The following CAST variants were observed in gnomAD, a reference collection of about 807,000 sequenced individuals.
CAST encodes calpastatin.
A neutral mutation model predicts 119.6 loss-of-function variants in CAST; 76 were observed. The observed-to-expected ratio is 0.64, with a 90% CI of 0.53 to 0.77. The LOEUF is 0.77. CAST is among the 30% of genes least tolerant of loss of function. The pLI is 0.00. For synonymous variants in CAST, 319 were observed against 331.6 expected (o/e 0.96, Z 0.41); for missense variants, 953 against 946.5 (o/e 1.01, Z -0.09).
At chr5:96,620,021 T>G (rs1747569596) in intron 1 of CAST, among the ~76,000 whole-genome samples, 2 of 152,220 alleles carry the variant, frequency 1.3e-5, no homozygotes, top group African/African-American at 4.8e-5. Context: ...GAAAATTACA[T>G]TAGAGACAAT....
At chr5:96,408,310 AGGTCAGCGCT>A in the CAST span, 1 of 1,613,784 alleles carries the variant, frequency 6.2e-7, no homozygotes, top group Non-Finnish European at 8.5e-7. Context: ...GTCATTGTGC[AGGTCAGCGCT>A]CGTCTGGATG....
At chr5:96,046,448 C>T in the CAST span, among the ~76,000 whole-genome samples, 1 of 152,084 alleles carries the variant, frequency 6.6e-6, no homozygotes, top group African/African-American at 2.4e-5. Flanking sequence ...AATTAAAGTG[C>T]ACTCCACATT....
the CAST span, among the ~76,000 whole-genome samples, chr5:96,152,426 C>T: frequency 4.6e-5 from 7 of 152,114 alleles, no homozygotes; most frequent in African/African-American, 1.4e-4. Context: ...CAGTCTCTAC[C>T]AGGGAATGGA....
chr5:96,169,897 GA>G, the CAST span, among the ~76,000 whole-genome samples: 1 of 152,276 alleles, frequency 6.6e-6, no homozygotes, highest in East Asian at 1.9e-4. Flanking sequence ...TAATTAAAAG[GA>G]GTGCTTAAAA....
chr5:96,259,059 T>C, the CAST span, among the ~76,000 whole-genome samples: 1 of 152,212 alleles, frequency 6.6e-6, no homozygotes, highest in Non-Finnish European at 1.5e-5. Context: ...TAAAAATATG[T>C]ATGAGTAAAA....
At chr5:96,700,930 A>T (rs978070544) in intron 3 of CAST, among the ~76,000 whole-genome samples, 10 of 151,736 alleles carry the variant, frequency 6.6e-5, no homozygotes, top group African/African-American at 2.4e-4. Flanking sequence ...TTGCGAAAAA[A>T]ATTTTTTTTT....
the CAST span, among the ~76,000 whole-genome samples, chr5:96,048,273 A>G: frequency 6.6e-6 from 1 of 152,166 alleles, no homozygotes; most frequent in Admixed American, 6.5e-5. Context: ...TGGCTGAGAA[A>G]AGGCCAGAGT....
At chr5:96,702,753 G>C (rs1754095203) in intron 3 of CAST, 1 of 984,954 alleles carries the variant, frequency 1.0e-6, no homozygotes, top group African/African-American at 1.7e-5. Flanking sequence ...CGGGCAGGGG[G>C]GCGGGGAGCA....
At chr5:96,160,962 CTATT>C in the CAST span, among the ~76,000 whole-genome samples, 3 of 152,040 alleles carry the variant, frequency 2.0e-5, no homozygotes, top group African/African-American at 4.8e-5. Flanking sequence ...CTTGGGTTGT[CTATT>C]TATTATTGAA....
chr5:96,714,436 G>T (rs1284072619), intron 3 of CAST, among the ~76,000 whole-genome samples: 1 of 152,202 alleles, frequency 6.6e-6, no homozygotes, highest in Non-Finnish European at 1.5e-5. Context: ...AAGAAAAGGT[G>T]CGCAAGAAAG....
At chr5:96,554,509 T>G (rs186657153) in intron 1 of CAST, among the ~76,000 whole-genome samples, 1 of 152,188 alleles carries the variant, frequency 6.6e-6, no homozygotes, top group Admixed American at 6.5e-5. Flanking sequence ...AGACTTCATG[T>G]CTAAAACACC....
At chr5:96,608,954 C>G (rs1580844149) in intron 1 of CAST, among the ~76,000 whole-genome samples, 1 of 152,160 alleles carries the variant, frequency 6.6e-6, no homozygotes, top group African/African-American at 2.4e-5. Flanking sequence ...TCCCACCAAG[C>G]CTCTCCTCCA....
the CAST span, among the ~76,000 whole-genome samples, chr5:96,156,474 T>C: frequency 1.3e-5 from 2 of 152,224 alleles, no homozygotes; most frequent in Non-Finnish European, 2.9e-5. Context: ...ATCTCTTTAG[T>C]ATAAGATGGG....
the CAST span, among the ~76,000 whole-genome samples, chr5:96,015,784 A>G: frequency 1.3e-5 from 2 of 152,174 alleles, no homozygotes; most frequent in Non-Finnish European, 2.9e-5. Flanking sequence ...CATTTTACAG[A>G]TGAGAAAATA....
the CAST span, among the ~76,000 whole-genome samples, chr5:96,388,551 A>G: frequency 6.6e-6 from 1 of 152,222 alleles, no homozygotes; most frequent in Non-Finnish European, 1.5e-5. Context: ...AGTAGATTGC[A>G]TGGTCAACAT....
intron 1 of CAST, among the ~76,000 whole-genome samples, chr5:96,539,067 A>G (rs261977): frequency 0.98 from 149,742 of 152,306 alleles, 73,669 homozygotes; most frequent in East Asian, 1. Flanking sequence ...AATCCAGACT[A>G]TTCTCTCTTA....
chr5:96,762,883 G>T, intron 25 of CAST: 1 of 404,806 alleles, frequency 2.5e-6, no homozygotes, highest in Non-Finnish European at 4.5e-6. Flanking sequence ...TTTCATACTA[G>T]CAGTAGAAGA....
the CAST span, among the ~76,000 whole-genome samples, chr5:96,014,852 C>A: frequency 1.3e-5 from 2 of 152,148 alleles, no homozygotes; most frequent in African/African-American, 4.8e-5. Flanking sequence ...ACAGCCTTTT[C>A]TGTTAGCCTG....
the CAST span, among the ~76,000 whole-genome samples, chr5:96,311,405 G>A: frequency 2.0e-5 from 3 of 152,148 alleles, no homozygotes; most frequent in Admixed American, 1.3e-4. Flanking sequence ...GCTGTTGGAT[G>A]GAATGTTCTG....
Sources: gnomAD v4.1 joint callset for allele counts (sites outside exome capture counted in the v4.1 genomes callset) on GRCh38, gnomAD v4.1.1 for gene constraint, MANE v1.5 for transcripts, NCBI Gene and HGNC (gene_info 2026-07-23, HGNC 2026-07-21) for gene names.